CNTNAP5: variants seen among roughly 807,000 people sequenced by gnomAD.
CNTNAP5 encodes contactin-associated protein-like 5.
In CNTNAP5, 72 loss-of-function variants were observed where a neutral mutation model predicts 150.2. That is an observed-to-expected ratio of 0.48 (90% confidence interval 0.40 to 0.58). CNTNAP5 has a LOEUF of 0.58. Ranked by LOEUF, CNTNAP5 falls within the 20% of genes least tolerant of loss-of-function variation. The pLI, the probability that CNTNAP5 is intolerant of heterozygous loss-of-function variation, is 0.00. For missense variants in CNTNAP5, 1,636 were observed against 1,626.2 expected, an observed-to-expected ratio of 1.01 and a Z score of -0.10; for synonymous variants, 672 against 619.8, an observed-to-expected ratio of 1.08 and a Z score of -1.25.
intron 12 of CNTNAP5, among the ~76,000 whole-genome samples, chr2:124,645,865 G>C (rs1287638472): frequency 6.6e-6 from 1 of 152,102 alleles, no homozygotes; most frequent in Non-Finnish European, 1.5e-5. Context: ...CATGGTGGAA[G>C]GTGAAGAGGG....
chr2:124,152,724 G>A (rs1684435435), intron 1 of CNTNAP5, among the ~76,000 whole-genome samples: 1 of 152,120 alleles, frequency 6.6e-6, no homozygotes, highest in Admixed American at 6.6e-5. Flanking sequence ...AGAGGAACAT[G>A]ACAGATTGGA....
At chr2:124,713,335 CTT>C (rs1558747005) in intron 13 of CNTNAP5, among the ~76,000 whole-genome samples, 3 of 103,808 alleles carry the variant, frequency 2.9e-5, no homozygotes, top group African/African-American at 7.8e-5. Flanking sequence ...TTCTTTCTTT[CTT>C]TCTTTCTTTC....
chr2:124,056,892 T>C (rs571379439), intron 1 of CNTNAP5, among the ~76,000 whole-genome samples: 20 of 152,364 alleles, frequency 1.3e-4, no homozygotes, highest in African/African-American at 4.8e-4. Context: ...TTCCTCTGCT[T>C]TTCTGGTTAC....
intron 13 of CNTNAP5, among the ~76,000 whole-genome samples, chr2:124,715,232 C>T (rs1679918805): frequency 6.6e-6 from 1 of 152,138 alleles, no homozygotes; most frequent in Admixed American, 6.5e-5. Context: ...ATTGGGCTAA[C>T]CATTGAGGAT....
intron 11 of CNTNAP5, among the ~76,000 whole-genome samples, chr2:124,590,897 T>C (rs1265538002): frequency 2.0e-5 from 3 of 152,208 alleles, no homozygotes; most frequent in Non-Finnish European, 2.9e-5. Context: ...GTCTGAATAC[T>C]ATCATTATCT....
chr2:124,338,231 T>C (rs1351476456), intron 3 of CNTNAP5, among the ~76,000 whole-genome samples: 1 of 152,182 alleles, frequency 6.6e-6, no homozygotes, highest in African/African-American at 2.4e-5. Context: ...CCTGAGACTT[T>C]GCTGAAGTTG....
intron 3 of CNTNAP5, among the ~76,000 whole-genome samples, chr2:124,272,721 C>T (rs1012860769): frequency 5.9e-5 from 9 of 152,094 alleles, no homozygotes; most frequent in African/African-American, 1.7e-4. Context: ...CAGTATCTGC[C>T]TGACAGCACT....
chr2:124,728,223 T>C (rs1680201468), intron 13 of CNTNAP5, among the ~76,000 whole-genome samples: 2 of 152,108 alleles, frequency 1.3e-5, no homozygotes, highest in Middle Eastern at 3.2e-3. Flanking sequence ...TTTACATCTG[T>C]GTTCATCAGC....
chr2:124,428,209 G>T (rs1234167446), intron 4 of CNTNAP5, among the ~76,000 whole-genome samples: 1 of 152,056 alleles, frequency 6.6e-6, no homozygotes, highest in African/African-American at 2.4e-5. Context: ...CAGCCTGACT[G>T]CCTCTTATGT....
At chr2:124,362,994 C>CA (rs913363088) in intron 3 of CNTNAP5, among the ~76,000 whole-genome samples, 1 of 151,962 alleles carries the variant, frequency 6.6e-6, no homozygotes, top group African/African-American at 2.4e-5. Flanking sequence ...CAAGATACAG[C>CA]AAAAAAGCAT....
At chr2:124,255,056 A>G (rs1204651733) in intron 3 of CNTNAP5, among the ~76,000 whole-genome samples, 1 of 152,148 alleles carries the variant, frequency 6.6e-6, no homozygotes, top group Admixed American at 6.5e-5. Context: ...GTTAGCAAGG[A>G]GAGGTCAGGA....
intron 19 of CNTNAP5, among the ~76,000 whole-genome samples, chr2:124,858,456 G>A (rs1214711513): frequency 6.6e-6 from 1 of 152,156 alleles, no homozygotes; most frequent in Non-Finnish European, 1.5e-5. Flanking sequence ...ATCCACAATT[G>A]CTTCAAAGAG....
At chr2:124,330,840 T>G (rs1011443094) in intron 3 of CNTNAP5, among the ~76,000 whole-genome samples, 5 of 152,164 alleles carry the variant, frequency 3.3e-5, no homozygotes, top group African/African-American at 1.2e-4. Flanking sequence ...CATAGAATGC[T>G]TAAAAAATGT....
chr2:124,650,458 A>G (rs1678297971), intron 13 of CNTNAP5, among the ~76,000 whole-genome samples: 1 of 152,234 alleles, frequency 6.6e-6, no homozygotes, highest in South Asian at 2.1e-4. Flanking sequence ...TTGTAGCCAC[A>G]TGGATTCAAC....
intron 11 of CNTNAP5, 46 bp from the exon 12 acceptor site, chr2:124,609,755 T>C (rs763133754): frequency 1.9e-6 from 3 of 1,604,454 alleles, no homozygotes; most frequent in Admixed American, 3.3e-5. Context: ...CAAAGGGATA[T>C]GCAGAGCCAA....
At chr2:124,907,487 A>T (rs1475322907) in intron 22 of CNTNAP5, among the ~76,000 whole-genome samples, 1 of 148,740 alleles carries the variant, frequency 6.7e-6, no homozygotes, top group Non-Finnish European at 1.5e-5. Context: ...ATAAGAATAG[A>T]TATATAGATA....
At chr2:124,515,254 G>A (rs760516219) in intron 8 of CNTNAP5, among the ~76,000 whole-genome samples, 35 of 152,322 alleles carry the variant, frequency 2.3e-4, no homozygotes, top group African/African-American at 5.1e-4. Flanking sequence ...CTTGGAGAGC[G>A]CAGAATGCTG....
intron 7 of CNTNAP5, among the ~76,000 whole-genome samples, chr2:124,502,932 T>C (rs1318471300): frequency 1.3e-5 from 2 of 152,216 alleles, no homozygotes; most frequent in Non-Finnish European, 2.9e-5. Context: ...TTATTCTAAG[T>C]CTGGCTTGTG....
intron 7 of CNTNAP5, among the ~76,000 whole-genome samples, chr2:124,486,355 A>G (rs1029890832): frequency 6.6e-6 from 1 of 152,172 alleles, no homozygotes; most frequent in Non-Finnish European, 1.5e-5. Context: ...TGCAGTGTAC[A>G]CTGCTTGGGT....
Sources: gnomAD v4.1 joint callset for allele counts (sites outside exome capture counted in the v4.1 genomes callset) on GRCh38, gnomAD v4.1.1 for gene constraint, MANE v1.5 for transcripts, NCBI Gene and HGNC (gene_info 2026-07-23, HGNC 2026-07-21) for gene names.